The following ABCA1 variants were observed in gnomAD, a reference collection of about 807,000 sequenced individuals.
ABCA1 encodes ATP binding cassette subfamily A member 1.
ABCA1 carries 133 observed loss-of-function variants against 262.5 expected under a neutral mutation model. The observed-to-expected ratio is 0.51, with a 90% confidence interval of 0.44 to 0.59. The LOEUF is 0.59. Among genes scored for constraint, ABCA1 ranks in the 20% least tolerant of loss-of-function variants. The pLI is 0.00. For missense variants in ABCA1, 2,452 were observed against 2,777.5 expected (o/e 0.88, Z 2.63); for synonymous variants, 1,022 against 1,043.5 (o/e 0.98, Z 0.40).
At chr9:104,897,932 T>A (rs1588542542) in intron 2 of ABCA1, among the ~76,000 whole-genome samples, 1 of 152,172 alleles carries the variant, frequency 6.6e-6, no homozygotes, top group East Asian at 1.9e-4. Context: ...TCTCTTCATC[T>A]GTGAAACAGA....
intron 5 of ABCA1, among the ~76,000 whole-genome samples, chr9:104,873,106 G>A (rs987903793): frequency 6.6e-6 from 1 of 152,144 alleles, no homozygotes; most frequent in African/African-American, 2.4e-5. Flanking sequence ...GAAAACTCAT[G>A]GTAGTGGAAA....
intron 1 of ABCA1, among the ~76,000 whole-genome samples, chr9:104,924,368 G>A (rs748040436): frequency 6.6e-6 from 1 of 152,078 alleles, no homozygotes; most frequent in South Asian, 2.1e-4. Context: ...CCAGCACTTT[G>A]GGAGGCTGAG....
At chr9:104,837,208 C>T in intron 10 of ABCA1, 112 bp from the exon 11 acceptor site, 1 of 1,061,082 alleles carries the variant, frequency 9.4e-7, no homozygotes, top group Admixed American at 1.9e-5. Context: ...TGTGCCAGTC[C>T]TCCCCATCCC....
At chr9:104,811,457 C>T (rs150060837) in intron 28 of ABCA1, among the ~76,000 whole-genome samples, 80 of 152,338 alleles carry the variant, frequency 5.3e-4, no homozygotes, top group Non-Finnish European at 9.4e-4. Flanking sequence ...AGCAACGGCT[C>T]CAATCATGGA....
At chr9:104,926,459 AAC>A (rs751400147) in intron 1 of ABCA1, among the ~76,000 whole-genome samples, 5,835 of 138,502 alleles carry the variant, frequency 0.042, 150 homozygotes, top group Middle Eastern at 0.063. Flanking sequence ...CAAAAAAAAA[AAC>A]CAAAAAAACA....
At chr9:104,851,303 C>T (rs1365371420) in intron 7 of ABCA1, among the ~76,000 whole-genome samples, 3 of 152,210 alleles carry the variant, frequency 2.0e-5, no homozygotes, top group Non-Finnish European at 4.4e-5. Context: ...GCTCCCTTTA[C>T]TCTGAGGATA....
chr9:104,803,473 C>T (rs1018885434), intron 32 of ABCA1, among the ~76,000 whole-genome samples, 157 bp from the exon 33 acceptor site: 16 of 152,178 alleles, frequency 1.1e-4, no homozygotes, highest in African/African-American at 3.9e-4. Flanking sequence ...AGAAAAGAAG[C>T]CTGTGTTCAG....
Position 104,809,465 on chromosome 9 carries a change from CG to C in ABCA1, c.4274del (p.Pro1425GlnfsTer76). The C allele has an allele frequency of 6.2e-7, 1 of 1,614,108 alleles. No individual in the cohort carries two copies. The highest frequency in any genetic ancestry group is 8.5e-7 in the Non-Finnish European group (1 of 1,179,972). Reference sequence around the variant, plus strand: ...CTGCTTATGGCTAAAGTGGCACTCACGGGATTGGGTTTCCTTCCATACAGCG... The same window carrying C: ...CTGCTTATGGCTAAAGTGGCACTCACGGATTGGGTTTCCTTCCATACAGCG... ...GTRCMEGNPI[P>X]DTPCQAGEEE... On this transcript the variant is annotated frameshift_variant and splice_region_variant, in exon 30 of 50. Transcript: ENST00000374736. LOFTEE classifies it high-confidence loss of function.
chr9:104,827,831 A>G (rs371094993), intron 15 of ABCA1, among the ~76,000 whole-genome samples: 5 of 152,182 alleles, frequency 3.3e-5, no homozygotes, highest in Admixed American at 6.5e-5. Flanking sequence ...TGGAACCTCA[A>G]TAAAGTCCTT....
chr9:104,825,114 A>T (rs1311309709), intron 17 of ABCA1, among the ~76,000 whole-genome samples: 1 of 152,220 alleles, frequency 6.6e-6, no homozygotes, highest in Non-Finnish European at 1.5e-5. Context: ...AAAATTCAAC[A>T]TGAATTTTTA....
Position 104,861,663 on chromosome 9 carries a change from G to A in ABCA1, c.543+16C>T. 2 of 1,614,078 alleles carry A rather than the reference G, an allele frequency of 1.2e-6. No homozygotes were observed. Among genetic ancestry groups the A allele is most frequent in the Non-Finnish European group, 1.7e-6 (2 of 1,180,002 alleles). ...TGCCATCAGCCCTACTGAGGAAGCT[G>A]GAGGCATCAGCTTACCTTGTGGAGA... On this transcript the variant is annotated intron_variant, in intron 6 of 49. Coordinates refer to ENST00000374736, the MANE Select transcript of ABCA1 (RefSeq NM_005502.4).
chr9:104,842,718 G>GCA (rs1355002923), intron 8 of ABCA1, among the ~76,000 whole-genome samples: 1 of 152,124 alleles, frequency 6.6e-6, no homozygotes, highest in African/African-American at 2.4e-5. Context: ...TCTCAATCCA[G>GCA]CACAATGTCC....
intron 1 of ABCA1, among the ~76,000 whole-genome samples, chr9:104,906,551 T>C (rs1324462892): frequency 6.6e-6 from 1 of 151,956 alleles, no homozygotes; most frequent in East Asian, 1.9e-4. Flanking sequence ...CCTGCTCCAA[T>C]TCCTCCCACC....
chr9:104,862,689 C>CCGGGCAGGGCAGGGCAGGGCA (rs1836696985), intron 5 of ABCA1, among the ~76,000 whole-genome samples: 1 of 3,318 alleles, frequency 3.0e-4, no homozygotes, highest in African/African-American at 1.1e-3. Context: ...CGGGCCGGGC[C>CCGGGCAGGGCAGGGCAGGGCA]GGGCCGGGCC....
At chr9:104,909,594 C>A (rs1841371673) in intron 1 of ABCA1, among the ~76,000 whole-genome samples, 1 of 144,940 alleles carries the variant, frequency 6.9e-6, no homozygotes, top group Non-Finnish European at 1.5e-5. Flanking sequence ...TTCAGTGATG[C>A]TGGCAAAAGA....
intron 4 of ABCA1, among the ~76,000 whole-genome samples, chr9:104,883,431 A>ACACATGCATGCACACACATGCCCC (rs1838867277): frequency 6.6e-6 from 1 of 152,110 alleles, no homozygotes; most frequent in African/African-American, 2.4e-5. Flanking sequence ...GCATGTGCAC[A>ACACATGCATGCACACACATGCCCC]CACATGCATG....
intron 10 of ABCA1, 69 bp downstream of exon 10, chr9:104,837,359 A>C: frequency 6.2e-7 from 1 of 1,601,406 alleles, no homozygotes; most frequent in South Asian, 1.1e-5. Flanking sequence ...CTCTGAAGCT[A>C]CCTTGAGTTT....
chr9:104,860,689 T>A (rs1836290667), intron 6 of ABCA1, among the ~76,000 whole-genome samples: 1 of 151,998 alleles, frequency 6.6e-6, no homozygotes, highest in African/African-American at 2.4e-5. Flanking sequence ...CCAGAGGAAG[T>A]TTTCTATGAT....
chr9:104,860,708 T>G (rs1309629363), intron 6 of ABCA1, among the ~76,000 whole-genome samples: 1 of 151,456 alleles, frequency 6.6e-6, no homozygotes, highest in Non-Finnish European at 1.5e-5. Flanking sequence ...ATTCTAAAGT[T>G]AAAATTCAAC....
Sources: allele counts gnomAD v4.1 joint callset (sites outside exome capture counted in the v4.1 genomes callset), GRCh38; gene constraint gnomAD v4.1.1; transcripts MANE v1.5; gene names NCBI Gene and HGNC (gene_info 2026-07-23, HGNC 2026-07-21).